The following CFAP46 variants were observed in gnomAD, a reference collection of about 807,000 sequenced individuals.
The protein encoded by CFAP46 is cilia- and flagella-associated protein 46.
A neutral mutation model predicts 325.7 loss-of-function variants in CFAP46; 245 were observed. That is an observed-to-expected ratio of 0.75 (90% CI 0.68 to 0.84). The LOEUF is 0.84. Ranked by LOEUF, CFAP46 falls within the 40% of genes least tolerant of loss-of-function variation. The pLI is 0.00. For synonymous variants in CFAP46, 1,523 were observed against 1,495.9 expected (o/e 1.02, Z -0.42); for missense variants, 3,346 against 3,543.0 (o/e 0.94, Z 1.41).
intron 45 of CFAP46, among the ~76,000 whole-genome samples, 177 bp downstream of exon 45, chr10:132,836,640 C>A (rs1434709029): frequency 6.6e-6 from 1 of 152,190 alleles, no homozygotes; most frequent in Non-Finnish European, 1.5e-5. Flanking sequence ...GGACGGCCCC[C>A]CCCCCTTGGG....
In CFAP46 at chr10:132,808,937, G is replaced by A. The variant is rs756880568; in HGVS notation, c.7665-33C>T. 38 of 1,536,184 alleles carry A rather than the reference G, an allele frequency of 2.5e-5. No individual in the cohort carries two copies. The highest frequency in any genetic ancestry group is 2.0e-4 in the Middle Eastern group (1 of 5,006). ...GAAAGGGGCGGGAGCTATGAACCCC[G>A]AGGCCCCGCAGGACGTCCAGCCCGG... On this transcript the variant is annotated intron_variant, in intron 57 of 57. Coordinates refer to ENST00000368586, the MANE Select transcript of CFAP46 (RefSeq NM_001200049.3). This position sits in a 1 kb window ranked among gnomAD's most constrained non-coding sequence, Gnocchi z 6.8.
chr10:132,926,090 C>T (rs1283907706), intron 10 of CFAP46, among the ~76,000 whole-genome samples: 1 of 152,246 alleles, frequency 6.6e-6, no homozygotes, highest in Non-Finnish European at 1.5e-5. Context: ...CAGAGCCTGT[C>T]GTCTCAGACA....
Position 132,866,027 on chromosome 10 carries a change from G to A in CFAP46, c.4888C>T (p.Gln1630Ter), listed in dbSNP as rs1848807531. Residue 1630 changes from glutamine (Q) to a stop codon, truncating the protein, a stop_gained and splice_region_variant, in exon 35 of 58, where the codon CAG (glutamine) becomes TAG (stop). Coordinates refer to ENST00000368586, the MANE Select transcript of CFAP46 (RefSeq NM_001200049.3). LOFTEE classifies it high-confidence loss of function. ...ATGGGCTGGGAGGGGCTCCTCACCT[G>A]GAAAGCCAGGTAAGCCTCCGACAGG... Reference protein sequence around the residue: ...LLLSEAYLAFQELDEPCAEAQ... With the variant: ...LLLSEAYLAF The A allele has an allele frequency of 1.3e-6, 2 of 1,506,970 alleles. No individual in the cohort carries two copies. The highest frequency in any genetic ancestry group is 8.9e-7 in the Non-Finnish European group (1 of 1,123,734). 93.3% of individuals were successfully genotyped at this position (1,506,970 alleles called of 1,614,324 possible).
intron 24 of CFAP46, among the ~76,000 whole-genome samples, chr10:132,896,747 T>C (rs1031600932): frequency 2.6e-5 from 4 of 152,284 alleles, no homozygotes; most frequent in Non-Finnish European, 2.9e-5. Context: ...CTCACATTCA[T>C]ATGGAATTAA....
At chr10:132,824,924 CTGCTTG>C (rs1848008995) in intron 50 of CFAP46, among the ~76,000 whole-genome samples, 1 of 111,840 alleles carries the variant, frequency 8.9e-6, no homozygotes, top group Admixed American at 9.9e-5. Context: ...GCTGTGTGTG[CTGCTTG>C]TGTGTGCTGT....
At chr10:132,823,231 CTGTGTGCTGTGTGAGCGCTGA>C (rs1847928742) in intron 50 of CFAP46, among the ~76,000 whole-genome samples, 2 of 90,862 alleles carry the variant, frequency 2.2e-5, no homozygotes, top group African/African-American at 4.2e-5. Flanking sequence ...TGTGTGTGTG[CTGTGTGCTGTGTGAGCGCTGA>C]TGTGTGCTGT....
intron 22 of CFAP46, among the ~76,000 whole-genome samples, chr10:132,906,890 G>A (rs973907404): frequency 1.5e-4 from 23 of 152,270 alleles, no homozygotes; most frequent in Admixed American, 2.0e-4. Context: ...GTCCTGGCGC[G>A]TGATGCCCCG....
chr10:132,869,102 C>T lies in CFAP46; in HGVS notation c.4610+172G>A, dbSNP rs1056288254. Among the ~76,000 whole-genome samples the T allele has an allele frequency of 6.6e-6, 1 of 152,230 alleles. No homozygotes were observed. The highest frequency in any genetic ancestry group is 1.5e-5 in the Non-Finnish European group (1 of 68,038). On this transcript the variant is annotated intron_variant, in intron 33 of 57. Coordinates refer to ENST00000368586, the MANE Select transcript of CFAP46 (RefSeq NM_001200049.3). This position sits in a 1 kb window ranked among gnomAD's most constrained non-coding sequence, Gnocchi z 6.2. ...CTCTGTGAGGAGCACCTCCCCACAA[C>T]CCACCTCCAGCACGACCCAGGAGAA...
At chr10:132,940,509 C>T (rs1038711415) in intron 4 of CFAP46, among the ~76,000 whole-genome samples, 21 of 152,208 alleles carry the variant, frequency 1.4e-4, no homozygotes, top group African/African-American at 4.8e-4. Context: ...CACGCTGGGC[C>T]GAAGAAGGAA....
At chr10:132,921,956 C>T (rs533052821) in intron 13 of CFAP46, 148 bp downstream of exon 13, 63 of 1,067,262 alleles carry the variant, frequency 5.9e-5, no homozygotes, top group Middle Eastern at 3.2e-4. Flanking sequence ...CCCGGCGGGC[C>T]GAGATCGAAG....
intron 41 of CFAP46, among the ~76,000 whole-genome samples, chr10:132,848,754 C>G (rs778431733): frequency 6.6e-6 from 1 of 152,214 alleles, no homozygotes; most frequent in Non-Finnish European, 1.5e-5. Flanking sequence ...CTCTCCGCCA[C>G]AGAGAGCTTT....
intron 22 of CFAP46, among the ~76,000 whole-genome samples, chr10:132,908,049 A>T (rs543296595): frequency 5.2e-4 from 79 of 152,346 alleles, no homozygotes; most frequent in Non-Finnish European, 8.5e-4. Flanking sequence ...ACACGCGGCC[A>T]GCAGGCCACA....
intron 13 of CFAP46, 46 bp from the exon 14 acceptor site, chr10:132,920,228 G>A (rs1206163116): frequency 1.3e-6 from 2 of 1,487,158 alleles, no homozygotes; most frequent in Non-Finnish European, 1.8e-6. Context: ...GCTGGCCAAG[G>A]GCCGGGGACG....
rs186511434 is a variant in CFAP46 at position 132,817,789 on chromosome 10, C to T, written c.7118-2875G>A. 2.6e-4 allele frequency among the ~76,000 whole-genome samples: 40 copies of T among 152,340 alleles called. No individual in the cohort carries two copies. The highest frequency in any genetic ancestry group is 3.1e-4 in the Non-Finnish European group (21 of 68,038). ...CTGCTGTTAACCAATTACTACAAAA[C>T]GCAGGCTTGATGTGGCACTGCTTCC... is the stretch of plus-strand genomic sequence containing the variant. On this transcript the variant is annotated intron_variant, in intron 50 of 57. Coordinates refer to ENST00000368586, the MANE Select transcript of CFAP46 (RefSeq NM_001200049.3). This position sits in a 1 kb window ranked among gnomAD's most constrained non-coding sequence, Gnocchi z 4.4.
intron 44 of CFAP46, among the ~76,000 whole-genome samples, chr10:132,842,265 G>A (rs936025624): frequency 2.0e-5 from 3 of 152,298 alleles, no homozygotes; most frequent in African/African-American, 7.2e-5. Flanking sequence ...GCTGTTCCAC[G>A]TGGACAGTTC....
chr10:132,888,611 ACC>A (rs1849208616), intron 25 of CFAP46, among the ~76,000 whole-genome samples: 1 of 64,930 alleles, frequency 1.5e-5, no homozygotes, highest in African/African-American at 4.5e-5. Context: ...TGCCACCTTC[ACC>A]CCTGCCGCCT....
chr10:132,926,548 ACTC>A lies in CFAP46; in HGVS notation c.1065+17_1065+19del. On this transcript the variant is annotated intron_variant, in intron 10 of 57. Coordinates refer to ENST00000368586, the MANE Select transcript of CFAP46 (RefSeq NM_001200049.3). ...TCTGCAAAATAATGCCAGGTGTATG[ACTC>A]CTGCGTAAGGACTGACCTCAACAGC... 1 of 1,505,282 alleles carries A rather than the reference ACTC, an allele frequency of 6.6e-7. No individual in the cohort carries two copies. The highest frequency in any genetic ancestry group is 8.9e-7 in the Non-Finnish European group (1 of 1,119,128). The allele number at this position is 1,505,282 out of a possible 1,614,324, so 93.2% of individuals were successfully genotyped here. A position where few individuals can be genotyped will look rare whatever the true frequency, so the allele number is the denominator to read the frequency against.
At chr10:132,849,592 G>A (rs1848500200) in intron 41 of CFAP46, among the ~76,000 whole-genome samples, 1 of 152,216 alleles carries the variant, frequency 6.6e-6, no homozygotes, top group Non-Finnish European at 1.5e-5. Context: ...AGGGTCCTGA[G>A]GGAGCAGGTC....
rs1452560090 is a variant in CFAP46 at position 132,895,953 on chromosome 10, GCGAGAAGGCAGC to G, written c.3219+2994_3219+3005del. ...CAGGCTCTGTGTGCCATGAGACACG[GCGAGAAGGCAGC>G]TAGGCTCTGTGTGCCATGAGACACG... On this transcript the variant is annotated intron_variant, in intron 24 of 57. Coordinates refer to ENST00000368586, the MANE Select transcript of CFAP46 (RefSeq NM_001200049.3). Among the ~76,000 whole-genome samples, 13 of 59,226 alleles carry G rather than the reference GCGAGAAGGCAGC, an allele frequency of 2.2e-4. 1 individual carries two copies. In the East Asian group the frequency reaches 2.5e-3, roughly 12 times the overall value. The allele number at this position is 59,226 out of a possible 152,430, so 38.9% of individuals were successfully genotyped here.
Sources: allele counts gnomAD v4.1 joint callset (sites outside exome capture counted in the v4.1 genomes callset), GRCh38; gene constraint gnomAD v4.1.1; non-coding constraint Gnocchi (gnomAD v3.1); transcripts MANE v1.5; gene names NCBI Gene and HGNC (gene_info 2026-07-23, HGNC 2026-07-21).